Variants in AGMO observed in about 807,000 individuals in gnomAD.
AGMO encodes the protein glyceryl-ether monooxygenase.
In AGMO, 75 loss-of-function variants were observed where a neutral mutation model predicts 60.2. The ratio of observed to expected loss-of-function variants is 1.25; its 90% CI spans 1.03 to 1.51. The LOEUF is 1.51. AGMO is among the 40% of genes most tolerant of loss of function. AGMO has a pLI of 0.00. For missense variants in AGMO, 763 were observed against 525.5 expected, an observed-to-expected ratio of 1.45 and a Z score of -4.42; for synonymous variants, 261 against 177.1, an observed-to-expected ratio of 1.47 and a Z score of -3.76.
the AGMO span, among the ~76,000 whole-genome samples, chr7:15,152,216 T>C: frequency 6.6e-6 from 1 of 152,186 alleles, no homozygotes; most frequent in Non-Finnish European, 1.5e-5. Context: ...CAACACTCTT[T>C]TTTTGTTTTG....
At chr7:15,305,442 G>C (rs572819018) in intron 12 of AGMO, among the ~76,000 whole-genome samples, 3 of 152,096 alleles carry the variant, frequency 2.0e-5, no homozygotes, top group Non-Finnish European at 4.4e-5. Flanking sequence ...AAACATGAAT[G>C]ATCAAAGTTC....
At chr7:15,349,938 G>A (rs987461197) in intron 12 of AGMO, among the ~76,000 whole-genome samples, 3 of 152,100 alleles carry the variant, frequency 2.0e-5, no homozygotes, top group African/African-American at 7.2e-5. Flanking sequence ...CTAAAATTCA[G>A]GATGAGACTT....
chr7:15,344,462 G>C (rs1355250960), intron 12 of AGMO, among the ~76,000 whole-genome samples: 1 of 152,144 alleles, frequency 6.6e-6, no homozygotes, highest in African/African-American at 2.4e-5. Context: ...CACTTTGGGA[G>C]GCCGAGGCAG....
At chr7:15,214,388 G>A (rs1583297197) in intron 12 of AGMO, among the ~76,000 whole-genome samples, 1 of 152,126 alleles carries the variant, frequency 6.6e-6, no homozygotes, top group Non-Finnish European at 1.5e-5. Context: ...TCTGAAGTTA[G>A]CACATGCAGC....
Position 15,387,503 on chromosome 7 carries a change from G to T in AGMO, c.860C>A (p.Ala287Asp). 1 of 1,613,756 alleles carries T rather than the reference G, an allele frequency of 6.2e-7. No individual in the cohort carries two copies. Among genetic ancestry groups the T allele is most frequent in the Middle Eastern group, 1.7e-4 (1 of 6,056 alleles). ...HLFSIWTTFW[A>D]TPGFFNKFSV... ...AAACTTATTGAAGAATCCAGGTGTG[G>T]CCCAGAATGTAGTCCATATGGAAAA... is the stretch of plus-strand genomic sequence containing the variant. The change falls in exon 9 of 13, where the codon GCC becomes GAC. Residue 287 changes from alanine to aspartate, a missense_variant. Coordinates refer to ENST00000342526, the MANE Select transcript of AGMO (RefSeq NM_001004320.2).
rs368673363 is a variant in AGMO, at chr7:15,474,491, G to C, written c.410-43383C>G. Among the ~76,000 whole-genome samples the C allele has an allele frequency of 1.5e-4, 23 of 152,096 alleles. No individual in the cohort carries two copies. In the East Asian group the frequency reaches 4.3e-3, roughly 28 times the overall value. ...ACTGGTGTCGGAAAAACTGGATAGC[G>C]ATATGCAGAAAACTGAAACTGAACC... On this transcript the variant is annotated intron_variant, in intron 3 of 12. Coordinates refer to ENST00000342526, the MANE Select transcript of AGMO (RefSeq NM_001004320.2).
the AGMO span, among the ~76,000 whole-genome samples, chr7:15,142,050 T>A: frequency 1.3e-5 from 2 of 152,184 alleles, no homozygotes; most frequent in Non-Finnish European, 1.5e-5. Context: ...GAGGTATTCA[T>A]CGAGCTCTAA....
At chr7:15,477,112 C>T (rs371839086) in intron 3 of AGMO, among the ~76,000 whole-genome samples, 3 of 150,660 alleles carry the variant, frequency 2.0e-5, no homozygotes, top group East Asian at 4.2e-4. Flanking sequence ...CTATCACAGA[C>T]TATTTATTTT....
chr7:15,157,418 G>C, the AGMO span, among the ~76,000 whole-genome samples: 2 of 152,204 alleles, frequency 1.3e-5, no homozygotes, highest in Non-Finnish European at 2.9e-5. Context: ...CTGAGGGGAA[G>C]AAGAGGGCTG....
chr7:15,393,972 G>T, intron 6 of AGMO, 141 bp downstream of exon 6: 2 of 322,040 alleles, frequency 6.2e-6, no homozygotes, highest in Non-Finnish European at 1.1e-5. Flanking sequence ...TACCAAAGAA[G>T]ATAGAAAAGA....
intron 3 of AGMO, among the ~76,000 whole-genome samples, chr7:15,518,930 A>G (rs1783902121): frequency 6.6e-6 from 1 of 151,892 alleles, no homozygotes; most frequent in Non-Finnish European, 1.5e-5. Context: ...ATAAAAAGTT[A>G]CAGCAATTGC....
the AGMO span, among the ~76,000 whole-genome samples, chr7:15,189,804 A>C: frequency 6.6e-6 from 1 of 150,512 alleles, no homozygotes; most frequent in South Asian, 2.1e-4. Context: ...TTTTAAGCTG[A>C]TAGTTTACAG....
intron 12 of AGMO, among the ~76,000 whole-genome samples, chr7:15,254,613 A>G (rs1783043687): frequency 6.6e-6 from 1 of 152,160 alleles, no homozygotes; most frequent in Admixed American, 6.5e-5. Flanking sequence ...GTTCCTTATA[A>G]AATCTGGATG....
intron 12 of AGMO, among the ~76,000 whole-genome samples, chr7:15,356,829 C>G (rs970310349): frequency 6.6e-6 from 1 of 151,638 alleles, no homozygotes; most frequent in East Asian, 1.9e-4. Flanking sequence ...TATTAGGGCC[C>G]GGTTGCAGTG....
At chr7:15,157,558 C>G in the AGMO span, among the ~76,000 whole-genome samples, 1 of 152,052 alleles carries the variant, frequency 6.6e-6, no homozygotes, top group Non-Finnish European at 1.5e-5. Flanking sequence ...AACAGTGAAC[C>G]CCGATCCCAC....
chr7:15,203,065 T>C (rs1308449733), intron 12 of AGMO, among the ~76,000 whole-genome samples: 1 of 152,154 alleles, frequency 6.6e-6, no homozygotes, highest in Non-Finnish European at 1.5e-5. Flanking sequence ...TAAGCTATAT[T>C]TGGCACTAGA....
chr7:15,216,502 G>C lies in AGMO; in HGVS notation c.1264-15143C>G, dbSNP rs558255855. Reference sequence around the variant, plus strand: ...AACAGTTAATTTATTAAACTTTCACGGTCAAAGAATAAGCCAAATCTTTCT... The same window carrying C: ...AACAGTTAATTTATTAAACTTTCACCGTCAAAGAATAAGCCAAATCTTTCT... On this transcript the variant is annotated intron_variant, in intron 12 of 12. Transcript: ENST00000342526. 2.1e-4 allele frequency among the ~76,000 whole-genome samples: 32 copies of C among 151,908 alleles called. 1 individual carries two copies. In the East Asian group the frequency reaches 3.7e-3, roughly 17 times the overall value.
At chr7:15,366,113 A>C in intron 11 of AGMO, 27 bp downstream of exon 11, 2 of 1,563,482 alleles carry the variant, frequency 1.3e-6, no homozygotes, top group East Asian at 2.3e-5. Context: ...GTAAAAGTAA[A>C]AACAATGCAA....
At chr7:15,171,733 G>GTTA in the AGMO span, among the ~76,000 whole-genome samples, 1 of 152,034 alleles carries the variant, frequency 6.6e-6, no homozygotes, top group African/African-American at 2.4e-5. Context: ...TTTCTAACAA[G>GTTA]TTTCTTATTA....
Sources: gnomAD v4.1 joint callset for allele counts (sites outside exome capture counted in the v4.1 genomes callset) on GRCh38, gnomAD v4.1.1 for gene constraint, MANE v1.5 for transcripts, NCBI Gene and HGNC (gene_info 2026-07-23, HGNC 2026-07-21) for gene names.